PDE4D: variants seen among roughly 807,000 people sequenced by gnomAD.
PDE4D encodes the protein 3',5'-cyclic-AMP phosphodiesterase 4D.
A neutral mutation model predicts 87.4 loss-of-function variants in PDE4D; 24 were observed. The ratio of observed to expected loss-of-function variants is 0.27; its 90% CI spans 0.20 to 0.39. PDE4D has a LOEUF of 0.39. PDE4D is among the 10% of genes least tolerant of loss of function. The pLI is 1.00. For missense variants in PDE4D, 714 were observed against 1,041.0 expected, an observed-to-expected ratio of 0.69 and a Z score of 4.32; for synonymous variants, 384 against 383.2, an observed-to-expected ratio of 1.00 and a Z score of -0.02.
At chr5:60,199,789 T>C (rs925040621) in intron 1 of PDE4D, among the ~76,000 whole-genome samples, 2 of 151,772 alleles carry the variant, frequency 1.3e-5, no homozygotes, top group Non-Finnish European at 1.5e-5. Flanking sequence ...AAGATGAAGA[T>C]GATGTCACAA....
At chr5:59,061,665 G>A (rs1010325201) in intron 5 of PDE4D, among the ~76,000 whole-genome samples, 1 of 151,988 alleles carries the variant, frequency 6.6e-6, no homozygotes, top group Non-Finnish European at 1.5e-5. Context: ...TCCCTGACAC[G>A]TTGTCATCCT....
At chr5:59,300,680 T>C (rs1055798703) in intron 1 of PDE4D, among the ~76,000 whole-genome samples, 3 of 151,994 alleles carry the variant, frequency 2.0e-5, no homozygotes, top group Admixed American at 6.6e-5. Flanking sequence ...CATGTGAGGT[T>C]TCCCCCCCAC....
intron 1 of PDE4D, among the ~76,000 whole-genome samples, chr5:60,384,799 G>A (rs1419291468): frequency 1.3e-5 from 2 of 152,064 alleles, no homozygotes; most frequent in South Asian, 2.1e-4. Context: ...CTGGGGTGTC[G>A]CAACTAGTCC....
chr5:59,403,387 A>G (rs761015689), intron 1 of PDE4D, among the ~76,000 whole-genome samples: 15 of 152,182 alleles, frequency 9.9e-5, no homozygotes, highest in Non-Finnish European at 1.8e-4. Context: ...ATCAAATACC[A>G]GATCTTATTT....
At chr5:59,205,917 T>A (rs921830643) in intron 2 of PDE4D, among the ~76,000 whole-genome samples, 2 of 152,124 alleles carry the variant, frequency 1.3e-5, no homozygotes, top group Non-Finnish European at 2.9e-5. Context: ...ACTGGTGAAA[T>A]GATTTCTTGT....
At chr5:59,164,412 A>G (rs1781584854) in intron 5 of PDE4D, among the ~76,000 whole-genome samples, 1 of 152,172 alleles carries the variant, frequency 6.6e-6, no homozygotes, top group African/African-American at 2.4e-5. Context: ...TTTCTTTTTT[A>G]GTTCCTACTA....
intron 1 of PDE4D, among the ~76,000 whole-genome samples, chr5:59,784,840 G>GTTC (rs761759270): frequency 3.3e-5 from 5 of 152,094 alleles, no homozygotes; most frequent in Non-Finnish European, 7.4e-5. Context: ...TCCCCATACT[G>GTTC]TTCTCATGGT....
At chr5:59,206,643 G>A (rs1748848568) in intron 2 of PDE4D, among the ~76,000 whole-genome samples, 1 of 152,176 alleles carries the variant, frequency 6.6e-6, no homozygotes, top group African/African-American at 2.4e-5. Context: ...AGACAAGAAT[G>A]CATGCTCCAA....
chr5:59,814,781 G>A (rs1362667723), intron 1 of PDE4D, among the ~76,000 whole-genome samples: 3 of 152,136 alleles, frequency 2.0e-5, no homozygotes, highest in African/African-American at 7.2e-5. Context: ...GTTCAGAAAT[G>A]TAATTCCTGA....
At chr5:60,480,452 T>A (rs1748645702) in intron 1 of PDE4D, among the ~76,000 whole-genome samples, 1 of 152,128 alleles carries the variant, frequency 6.6e-6, no homozygotes, top group African/African-American at 2.4e-5. Context: ...GGTACTATTG[T>A]TATCCCATTT....
At position 59,126,482 on chromosome 5, in the gene PDE4D, A is replaced by G. The variant is rs1775422136; in HGVS notation, c.808+54113T>C. Reference sequence around the variant, plus strand: ...TTTTAAAGAACAAATAGGAAAGAGGAGAAGGTTGTACTTTAGCTACCTTTG... The same window carrying G: ...TTTTAAAGAACAAATAGGAAAGAGGGGAAGGTTGTACTTTAGCTACCTTTG... On this transcript the variant is annotated intron_variant, in intron 5 of 14. Transcript: ENST00000340635. Among the ~76,000 whole-genome samples the G allele has an allele frequency of 2.0e-5, 3 of 152,224 alleles. No homozygotes were observed. In the South Asian group the frequency reaches 6.2e-4, roughly 32 times the overall value.
chr5:59,809,414 A>T (rs1768088503), intron 1 of PDE4D, among the ~76,000 whole-genome samples: 1 of 152,212 alleles, frequency 6.6e-6, no homozygotes, highest in Admixed American at 6.5e-5. Flanking sequence ...TAATTTTTAA[A>T]GTGTCGAAGG....
At chr5:59,809,241 A>G (rs189320269) in intron 1 of PDE4D, among the ~76,000 whole-genome samples, 3 of 152,284 alleles carry the variant, frequency 2.0e-5, no homozygotes, top group Admixed American at 2.0e-4. Context: ...TATTCTAGCT[A>G]GTTGGTATAG....
At chr5:59,427,757 C>G (rs549504256) in intron 1 of PDE4D, among the ~76,000 whole-genome samples, 1 of 150,500 alleles carries the variant, frequency 6.6e-6, no homozygotes, top group Admixed American at 6.6e-5. Context: ...GAGTTCTAGG[C>G]TGCCCTGATC....
intron 3 of PDE4D, among the ~76,000 whole-genome samples, chr5:59,929,087 ATGTG>A (rs944422908): frequency 6.6e-6 from 1 of 151,394 alleles, no homozygotes; most frequent in African/African-American, 2.4e-5. Context: ...TGTGTGTGTT[ATGTG>A]TGTGTGTGTC....
intron 1 of PDE4D, among the ~76,000 whole-genome samples, chr5:59,728,046 TTG>T (rs974867504): frequency 6.6e-6 from 1 of 152,146 alleles, no homozygotes; most frequent in Non-Finnish European, 1.5e-5. Flanking sequence ...GTAGTAACTG[TTG>T]TGTTATCATA....
chr5:59,055,753 C>A (rs778774586), intron 5 of PDE4D, among the ~76,000 whole-genome samples: 1 of 152,150 alleles, frequency 6.6e-6, no homozygotes, highest in Non-Finnish European at 1.5e-5. Flanking sequence ...TTTTACCTAG[C>A]AAGGAGCCTT....
At position 59,906,499 on chromosome 5, in the gene PDE4D, G is replaced by C. The variant is rs540644754; in HGVS notation, c.272+81989C>G. ...GTAAATAAAGTTTTATTGGAACATA[G>C]CCAAACCCATGTAATTACATGAGTA... is the stretch of plus-strand genomic sequence containing the variant. On this transcript the variant is annotated intron_variant, in intron 3 of 16. Coordinates refer to the PDE4D transcript ENST00000502484. Among the ~76,000 whole-genome samples the C allele has an allele frequency of 7.2e-4, 109 of 152,206 alleles. 1 individual carries two copies. In the South Asian group the frequency reaches 0.016, roughly 23 times the overall value.
intron 1 of PDE4D, among the ~76,000 whole-genome samples, chr5:59,420,129 A>C (rs1794240109): frequency 6.6e-6 from 1 of 152,176 alleles, no homozygotes; most frequent in Non-Finnish European, 1.5e-5. Flanking sequence ...TGGATGGTGA[A>C]ACTGTACTGA....
Sources: gnomAD v4.1 joint callset for allele counts (sites outside exome capture counted in the v4.1 genomes callset) on GRCh38, gnomAD v4.1.1 for gene constraint, MANE v1.5 for transcripts, NCBI Gene and HGNC (gene_info 2026-07-23, HGNC 2026-07-21) for gene names.